PDZD2: variants seen among roughly 807,000 people sequenced by gnomAD.
PDZD2 encodes PDZ domain containing 2.
Under a neutral mutation model 220.7 loss-of-function variants are expected in PDZD2, and 90 were observed. The ratio of observed to expected loss-of-function variants is 0.41; its 90% CI spans 0.34 to 0.49. PDZD2 has a LOEUF of 0.49. Ranked by LOEUF, PDZD2 falls within the 20% of genes least tolerant of loss-of-function variation. The pLI, the probability that PDZD2 is intolerant of heterozygous loss-of-function variation, is 0.28. For missense variants in PDZD2, 3,174 were observed against 3,608.5 expected (o/e 0.88, Z 3.08); for synonymous variants, 1,375 against 1,450.5 (o/e 0.95, Z 1.18).
chr5:32,060,704 A>G lies in PDZD2; in HGVS notation c.2319-298A>G, dbSNP rs149553476. Among the ~76,000 whole-genome samples, 225 of 149,190 alleles carry G rather than the reference A, an allele frequency of 1.5e-3. 4 individuals are homozygous for G. The highest frequency in any genetic ancestry group is 5.4e-3 in the African/African-American group (216 of 39,846). ...CAGCATGCTTTGTACAGTGCCTGGCATATAGTATATGCTCAAAATATGGTA... is the reference window on the plus strand; with the variant it reads ...CAGCATGCTTTGTACAGTGCCTGGCGTATAGTATATGCTCAAAATATGGTA... On this transcript the variant is annotated intron_variant, in intron 13 of 24. Coordinates refer to ENST00000438447, the MANE Select transcript of PDZD2 (RefSeq NM_178140.4).
chr5:31,849,939 TATATATATA>T (rs1757866910), intron 2 of PDZD2, among the ~76,000 whole-genome samples: 2 of 28,480 alleles, frequency 7.0e-5, no homozygotes, highest in Non-Finnish European at 1.1e-4. Flanking sequence ...TATACACATA[TATATATATA>T]CATATATATA....
At chr5:31,998,661 G>A (rs1751845529) in intron 4 of PDZD2, among the ~76,000 whole-genome samples, 1 of 152,144 alleles carries the variant, frequency 6.6e-6, no homozygotes, top group Non-Finnish European at 1.5e-5. Flanking sequence ...GGCTTCCCTG[G>A]GCCACATTGG....
chr5:31,833,992 G>A (rs1335766909), intron 2 of PDZD2, among the ~76,000 whole-genome samples: 1 of 152,244 alleles, frequency 6.6e-6, no homozygotes, highest in East Asian at 1.9e-4. Flanking sequence ...TGCCTCAGAG[G>A]AGAAAGTTCT....
At position 31,735,824 on chromosome 5, in the gene PDZD2, A is replaced by G. The variant is rs370695068; in HGVS notation, c.-360-63065A>G. ...GCTGGGCACGGTAGCATGCGCCTGTAGTCCCAGCTACTCGGGAGGCTGAGG... is the reference window on the plus strand; with the variant it reads ...GCTGGGCACGGTAGCATGCGCCTGTGGTCCCAGCTACTCGGGAGGCTGAGG... On this transcript the variant is annotated intron_variant, in intron 1 of 24. Transcript: ENST00000438447. Among the ~76,000 whole-genome samples the G allele has an allele frequency of 1.3e-3, 194 of 152,308 alleles. 1 individual carries two copies. Among genetic ancestry groups the G allele is most frequent in the African/African-American group, 4.4e-3 (181 of 41,562 alleles).
At chr5:31,667,699 C>T (rs552995070) in intron 1 of PDZD2, among the ~76,000 whole-genome samples, 1 of 151,952 alleles carries the variant, frequency 6.6e-6, no homozygotes, top group African/African-American at 2.4e-5. Flanking sequence ...TTCATTGCAG[C>T]GATCCTGCCC....
At chr5:32,005,891 T>TA (rs1752758663) in intron 5 of PDZD2, among the ~76,000 whole-genome samples, 1 of 152,136 alleles carries the variant, frequency 6.6e-6, no homozygotes, top group Admixed American at 6.5e-5. Flanking sequence ...CTCACACCTG[T>TA]AATCCCAGCA....
chr5:31,712,613 C>A (rs1748193580), intron 1 of PDZD2, among the ~76,000 whole-genome samples: 1 of 152,154 alleles, frequency 6.6e-6, no homozygotes, highest in Non-Finnish European at 1.5e-5. Flanking sequence ...GTAAGCAAAG[C>A]TGCTAATTCT....
intron 1 of PDZD2, among the ~76,000 whole-genome samples, chr5:31,689,286 C>CAT: frequency 8.5e-6 from 1 of 117,670 alleles, no homozygotes; most frequent in African/African-American, 3.6e-5. Context: ...CATATATATA[C>CAT]ATACATATAC....
chr5:31,658,899 G>A (rs1021083848), intron 1 of PDZD2, among the ~76,000 whole-genome samples: 2 of 152,134 alleles, frequency 1.3e-5, no homozygotes, highest in East Asian at 1.9e-4. Flanking sequence ...GATTACAGGC[G>A]TGAGCCACCA....
At chr5:31,743,524 A>G (rs1364028523) in intron 1 of PDZD2, among the ~76,000 whole-genome samples, 1 of 152,058 alleles carries the variant, frequency 6.6e-6, no homozygotes. Flanking sequence ...TCATATTTTT[A>G]TGCTATTGTA....
At chr5:31,685,789 G>A (rs1222670386) in intron 1 of PDZD2, among the ~76,000 whole-genome samples, 1 of 152,116 alleles carries the variant, frequency 6.6e-6, no homozygotes, top group Non-Finnish European at 1.5e-5. Context: ...TTCCCACAGT[G>A]GGATTACAGG....
intron 2 of PDZD2, among the ~76,000 whole-genome samples, chr5:31,863,104 G>A (rs986630959): frequency 3.3e-5 from 5 of 152,152 alleles, no homozygotes; most frequent in East Asian, 1.9e-4. Flanking sequence ...GGCTGGTCTC[G>A]AACTCCTGAC....
At chr5:31,913,222 TC>T (rs1743359792) in intron 2 of PDZD2, among the ~76,000 whole-genome samples, 1 of 151,960 alleles carries the variant, frequency 6.6e-6, no homozygotes, top group South Asian at 2.1e-4. Flanking sequence ...ATGCCTGTAG[TC>T]CCAGCCACTC....
intron 2 of PDZD2, among the ~76,000 whole-genome samples, chr5:31,861,911 C>CT (rs145957638): frequency 0.1 from 15,172 of 151,990 alleles, 828 homozygotes; most frequent in African/African-American, 0.14. Flanking sequence ...ATGATGTACT[C>CT]TATTTTTATG....
chr5:31,819,074 G>A (rs922698725), intron 2 of PDZD2, among the ~76,000 whole-genome samples: 8 of 152,150 alleles, frequency 5.3e-5, no homozygotes, highest in Admixed American at 2.0e-4. Context: ...GCTATACCCT[G>A]AGCCTCACTC....
At chr5:31,805,115 A>G (rs1043277073) in intron 2 of PDZD2, among the ~76,000 whole-genome samples, 2 of 152,192 alleles carry the variant, frequency 1.3e-5, no homozygotes, top group Admixed American at 1.3e-4. Flanking sequence ...GAATCACTTG[A>G]ACCCAGGAGG....
Position 31,781,507 on chromosome 5 carries a change from A to G in PDZD2, c.-360-17382A>G, listed in dbSNP as rs547871074. Among the ~76,000 whole-genome samples the G allele has an allele frequency of 2.2e-4, 33 of 152,346 alleles. No individual in the cohort carries two copies. The Middle Eastern group carries it at 0.014, about 63-fold the overall frequency. The stretch of plus-strand genomic sequence containing the variant: ...GGGTATACAGTGCACAGTGTTCTCC[A>G]TAGGCCATTGTGAGCATCTCTTAGA... On this transcript the variant is annotated intron_variant, in intron 1 of 24. Coordinates refer to ENST00000438447, the MANE Select transcript of PDZD2 (RefSeq NM_178140.4).
intron 19 of PDZD2, among the ~76,000 whole-genome samples, chr5:32,081,716 CTTTGTTTTGT>C (rs368243741): frequency 6.6e-5 from 10 of 152,070 alleles, no homozygotes; most frequent in African/African-American, 2.4e-4. Flanking sequence ...CAAAACATGT[CTTTGTTTTGT>C]TTTGTTTTGT....
intron 1 of PDZD2, among the ~76,000 whole-genome samples, chr5:31,790,947 G>A (rs544604738): frequency 3.2e-4 from 48 of 150,474 alleles, no homozygotes; most frequent in Non-Finnish European, 5.2e-4. Context: ...ATCCGCCCGC[G>A]TCGGCCTCCC....
Sources: allele counts gnomAD v4.1 joint callset (sites outside exome capture counted in the v4.1 genomes callset), GRCh38; gene constraint gnomAD v4.1.1; transcripts MANE v1.5; gene names NCBI Gene and HGNC (gene_info 2026-07-23, HGNC 2026-07-21).